CDH4: variants seen among roughly 807,000 people sequenced by gnomAD.
The protein encoded by CDH4 is cadherin-4.
In CDH4, 33 loss-of-function variants were observed where a neutral mutation model predicts 86.0. That is an observed-to-expected ratio of 0.38 (90% CI 0.29 to 0.51). The LOEUF is 0.51. CDH4 is among the 20% of genes least tolerant of loss of function. The pLI, the probability that CDH4 is intolerant of heterozygous loss-of-function variation, is 0.86. For missense variants in CDH4, 1,114 were observed against 1,307.4 expected (o/e 0.85, Z 2.28); for synonymous variants, 555 against 549.4 (o/e 1.01, Z -0.14).
chr20:61,929,804 C>G lies in CDH4; in HGVS notation c.2201C>G (p.Ala734Gly). The change falls in exon 13 of 16, where the codon GCC becomes GGC. Residue 734 changes from alanine (A) to glycine (G), a missense_variant. Coordinates refer to ENST00000614565, the MANE Select transcript of CDH4 (RefSeq NM_001794.5). ...GCAGCGGCTGGTCTGGGCACCGGTG[C>G]CATCGTGGCCATCCTCATCTGCATC... ...AVAAAGLGTG[A>G]IVAILICILI... The G allele has an allele frequency of 6.2e-7, 1 of 1,613,988 alleles. No individual in the cohort carries two copies. The highest frequency in any genetic ancestry group is 1.1e-5 in the South Asian group (1 of 91,082).
intron 2 of CDH4, among the ~76,000 whole-genome samples, chr20:61,527,600 C>T (rs1261916199): frequency 2.0e-5 from 3 of 152,200 alleles, no homozygotes; most frequent in Non-Finnish European, 4.4e-5. Flanking sequence ...GGGATCCATG[C>T]AGTGAGGGAG....
intron 9 of CDH4, among the ~76,000 whole-genome samples, chr20:61,913,112 A>T (rs1766458425): frequency 6.6e-6 from 1 of 152,056 alleles, no homozygotes; most frequent in African/African-American, 2.4e-5. Flanking sequence ...TGTGGCCTTC[A>T]CGGGGAGCAC....
At position 61,343,931 on chromosome 20, in the gene CDH4, A is replaced by T. The variant is rs1215984413; in HGVS notation, c.169+88994A>T. On this transcript the variant is annotated intron_variant, in intron 2 of 15. Transcript: ENST00000614565. ...CACTACAGGGGCCAAGATTAAAAAA[A>T]AAATAAACACTGAATAACTCCCTGA... Among the ~76,000 whole-genome samples, 3 of 152,298 alleles carry T rather than the reference A, an allele frequency of 2.0e-5. No individual in the cohort carries two copies. In the South Asian group the frequency reaches 6.2e-4, roughly 32 times the overall value.
rs1473315967 is a variant in CDH4 at position 61,783,746 on chromosome 20, C to T, written c.576+10564C>T. Among the ~76,000 whole-genome samples the T allele has an allele frequency of 4.7e-5, 6 of 126,632 alleles. 1 individual carries two copies. The highest frequency in any genetic ancestry group is 2.4e-4 in the Admixed American group (3 of 12,330). 83.1% of individuals were successfully genotyped at this position (126,632 alleles called of 152,430 possible). On this transcript the variant is annotated intron_variant, in intron 4 of 15. Coordinates refer to ENST00000614565, the MANE Select transcript of CDH4 (RefSeq NM_001794.5). ...CGGGCCCTCAGATGTCCTGTGCCCC[C>T]GGGAGAAATGTAAGCCTAGTTCCTC...
In CDH4 at chr20:61,703,659, T is replaced by C. The variant is rs1359061911; in HGVS notation, c.170-39904T>C. On this transcript the variant is annotated intron_variant, in intron 2 of 15. Coordinates refer to ENST00000614565, the MANE Select transcript of CDH4 (RefSeq NM_001794.5). The surrounding 1 kb of genome is among the most constrained non-coding windows in gnomAD (Gnocchi z 4.3). ...GGATCTGATGTGTGCAGCCATCTCA[T>C]TGGCCATACAAGAGCTGTCCATGTC... Among the ~76,000 whole-genome samples the C allele has an allele frequency of 2.0e-5, 3 of 152,168 alleles. No individual in the cohort carries two copies. The highest frequency in any genetic ancestry group is 2.0e-4 in the Admixed American group (3 of 15,276).
At chr20:61,549,834 C>G (rs1191349857) in intron 2 of CDH4, among the ~76,000 whole-genome samples, 2 of 152,244 alleles carry the variant, frequency 1.3e-5, no homozygotes, top group Non-Finnish European at 2.9e-5. Context: ...GATGCCAGGA[C>G]TGAGGAATAG....
intron 8 of CDH4, 22 bp downstream of exon 8, chr20:61,895,069 A>G (rs1308074760): frequency 6.2e-7 from 1 of 1,611,952 alleles, no homozygotes. Context: ...GAAGCTGCCC[A>G]GTGACGCATG....
intron 15 of CDH4, among the ~76,000 whole-genome samples, chr20:61,935,010 G>T (rs1484163907): frequency 1.3e-5 from 2 of 152,246 alleles, no homozygotes; most frequent in East Asian, 3.8e-4. Context: ...TTGCGGTGAA[G>T]AGAACAGAGG....
intron 2 of CDH4, among the ~76,000 whole-genome samples, chr20:61,734,682 A>G (rs1224741422): frequency 6.6e-6 from 1 of 152,164 alleles, no homozygotes; most frequent in African/African-American, 2.4e-5. Context: ...GCTGGAGTAG[A>G]TCATTTCCAA....
rs1380907940 is a variant in CDH4 at position 61,565,201 on chromosome 20, GGTC to G, written c.170-178360_170-178358del. On this transcript the variant is annotated intron_variant, in intron 2 of 15. Transcript: ENST00000614565. Reference sequence around the variant, plus strand: ...TGGTGGTGGTGGTCCTCTTGGTGGTGGTCGCGGTGCTCTCGGTGGTAGGTGGTG... The same window carrying G: ...TGGTGGTGGTGGTCCTCTTGGTGGTGGCGGTGCTCTCGGTGGTAGGTGGTG... Among the ~76,000 whole-genome samples the G allele has an allele frequency of 1.0e-3, 53 of 51,916 alleles. 3 individuals are homozygous for G. Among genetic ancestry groups the G allele is most frequent in the East Asian group, 7.9e-4 (2 of 2,520 alleles). 34.1% of individuals were successfully genotyped at this position (51,916 alleles called of 152,430 possible). A position where few individuals can be genotyped will look rare whatever the true frequency, so the allele number is the denominator to read the frequency against.
chr20:61,500,642 A>C (rs2085694228), intron 2 of CDH4, among the ~76,000 whole-genome samples: 1 of 152,264 alleles, frequency 6.6e-6, no homozygotes, highest in Non-Finnish European at 1.5e-5. Flanking sequence ...TCTGAGAGGC[A>C]CAGACACCTG....
At chr20:61,823,203 G>A (rs1019163533) in intron 4 of CDH4, among the ~76,000 whole-genome samples, 18 of 5,912 alleles carry the variant, frequency 3.0e-3, no homozygotes, top group East Asian at 4.0e-3. Flanking sequence ...GAGTTGGCCA[G>A]TTTAAATGGT....
At chr20:61,796,107 C>T (rs937667715) in intron 4 of CDH4, among the ~76,000 whole-genome samples, 8 of 152,256 alleles carry the variant, frequency 5.3e-5, no homozygotes, top group South Asian at 2.1e-4. Flanking sequence ...GCTCCCGGAC[C>T]GCTGCCTCCT....
At position 61,928,248 on chromosome 20, in the gene CDH4, C is replaced by T; in HGVS notation, c.1830C>T (p.Asp610=). The T allele has an allele frequency of 6.2e-7, 1 of 1,607,304 alleles. No homozygotes were observed. Residue 610 remains aspartate, a synonymous_variant, in exon 12 of 16, where the codon GAC becomes GAT. Coordinates refer to ENST00000614565, the MANE Select transcript of CDH4 (RefSeq NM_001794.5). ...AGATCTATCTCATTGACATCAACGA[C>T]AACGCCCCTGAGCTGCTGCCCAAGG... The part of the protein sequence containing the change: ...TLQIYLIDIN[D]NAPELLPKEA...
At chr20:61,578,426 C>G (rs1214166555) in intron 2 of CDH4, among the ~76,000 whole-genome samples, 1 of 152,168 alleles carries the variant, frequency 6.6e-6, no homozygotes, top group Non-Finnish European at 1.5e-5. Context: ...CAAATTAGTG[C>G]AAAATAACTG....
chr20:61,502,155 C>G (rs2085707107), intron 2 of CDH4, among the ~76,000 whole-genome samples: 1 of 152,170 alleles, frequency 6.6e-6, no homozygotes, highest in Admixed American at 6.5e-5. Context: ...GACGATCTAA[C>G]CTGAGAAACC....
Position 61,518,486 on chromosome 20 carries a change from A to G in CDH4, c.170-225077A>G, listed in dbSNP as rs1016274219. Among the ~76,000 whole-genome samples, 2 of 148,504 alleles carry G rather than the reference A, an allele frequency of 1.3e-5. No individual in the cohort carries two copies. The highest frequency in any genetic ancestry group is 3.0e-5 in the Non-Finnish European group (2 of 66,932). On this transcript the variant is annotated intron_variant, in intron 2 of 15. Coordinates refer to ENST00000614565, the MANE Select transcript of CDH4 (RefSeq NM_001794.5). The surrounding 1 kb of genome is among the most constrained non-coding windows in gnomAD (Gnocchi z 6.3). The stretch of plus-strand genomic sequence containing the variant: ...CCATCGTCCATCCATCCATCCTTCC[A>G]TCATTGATTCATCATCCATCCATCC...
chr20:61,384,596 C>T (rs933820949), intron 2 of CDH4, among the ~76,000 whole-genome samples: 1 of 152,164 alleles, frequency 6.6e-6, no homozygotes, highest in Non-Finnish European at 1.5e-5. Flanking sequence ...CCTTTTCTTT[C>T]TAATCCCTTA....
intron 2 of CDH4, among the ~76,000 whole-genome samples, chr20:61,357,019 G>A (rs947897164): frequency 6.6e-6 from 1 of 152,158 alleles, no homozygotes; most frequent in African/African-American, 2.4e-5. Flanking sequence ...GTGTTCCAGG[G>A]TTAGGGTCAA....
Sources: gnomAD v4.1 joint callset for allele counts (sites outside exome capture counted in the v4.1 genomes callset) on GRCh38, gnomAD v4.1.1 for gene constraint, Gnocchi (gnomAD v3.1) non-coding constraint, MANE v1.5 for transcripts, NCBI Gene and HGNC (gene_info 2026-07-23, HGNC 2026-07-21) for gene names.